Variants in CBLC observed in about 807,000 individuals in gnomAD.
CBLC encodes the protein Cbl proto-oncogene C.
A neutral mutation model predicts 58.6 loss-of-function variants in CBLC; 46 were observed. That is an observed-to-expected ratio of 0.79 (90% CI 0.62 to 1.00). The LOEUF is 1.00. Among genes scored for constraint, CBLC ranks in the 50% least tolerant of loss-of-function variants. CBLC has a pLI of 0.00. For synonymous variants in CBLC, 271 were observed against 264.2 expected (o/e 1.03, Z -0.25); for missense variants, 655 against 625.8 (o/e 1.05, Z -0.50).
At position 44,777,902 on chromosome 19, in the gene CBLC, C is replaced by G. The variant is rs751204879; in HGVS notation, c.-30C>G. 5 of 1,508,656 alleles carry G rather than the reference C, an allele frequency of 3.3e-6. No individual in the cohort carries two copies. In the African/African-American group the frequency reaches 4.3e-5, roughly 13 times the overall value. The allele number at this position is 1,508,656 out of a possible 1,614,324, so 93.5% of individuals were successfully genotyped here. On this transcript the variant is annotated 5_prime_UTR_variant, in exon 1 of 11. Coordinates refer to ENST00000647358, the MANE Select transcript of CBLC (RefSeq NM_012116.4). ...CGAGGCCGCCCCTATCCCAGCCGCA[C>G]CGGTCCTTCCCGGCACACGCGAGGC...
chr19:44,786,658 C>T (rs946672917), intron 5 of CBLC, among the ~76,000 whole-genome samples: 5 of 151,970 alleles, frequency 3.3e-5, no homozygotes, highest in Admixed American at 6.6e-5. Context: ...ATTGTTGGTT[C>T]GCTAACATTG....
chr19:44,796,587 G>A (rs1004321524), intron 9 of CBLC, among the ~76,000 whole-genome samples: 1 of 152,048 alleles, frequency 6.6e-6, no homozygotes, highest in Non-Finnish European at 1.5e-5. Context: ...GTTTCTCCAT[G>A]TTGGTCAGGC....
At chr19:44,794,026 G>T (rs969847691) in intron 8 of CBLC, 178 bp from the exon 9 acceptor site, 2 of 664,500 alleles carry the variant, frequency 3.0e-6, no homozygotes, top group Non-Finnish European at 3.7e-6. Flanking sequence ...TTCCCCAAGG[G>T]CTGGGGCTGT....
intron 9 of CBLC, among the ~76,000 whole-genome samples, chr19:44,796,757 C>T (rs756110173): frequency 9.2e-5 from 14 of 152,076 alleles, no homozygotes; most frequent in Non-Finnish European, 1.3e-4. Flanking sequence ...TTTTGGGACC[C>T]TGGATTGCTG....
intron 5 of CBLC, among the ~76,000 whole-genome samples, chr19:44,785,869 A>G (rs1321059150): frequency 1.3e-5 from 2 of 151,988 alleles, no homozygotes; most frequent in Non-Finnish European, 2.9e-5. Flanking sequence ...TGGCAGGTGG[A>G]GGTTTCGGTG....
intron 9 of CBLC, among the ~76,000 whole-genome samples, chr19:44,794,680 G>T (rs1004101185): frequency 6.6e-6 from 1 of 151,522 alleles, no homozygotes; most frequent in African/African-American, 2.4e-5. Flanking sequence ...GATCAGGCTG[G>T]TCTAGAACTC....
chr19:44,790,336 C>T (rs1042425351), intron 6 of CBLC, among the ~76,000 whole-genome samples: 3 of 152,186 alleles, frequency 2.0e-5, no homozygotes, highest in Admixed American at 2.0e-4. Flanking sequence ...ACAGCTAATG[C>T]ATTCGAGCAT....
intron 1 of CBLC, among the ~76,000 whole-genome samples, chr19:44,779,978 T>C (rs2122382681): frequency 6.6e-6 from 1 of 152,144 alleles, no homozygotes; most frequent in East Asian, 1.9e-4. Context: ...TTCATAAATA[T>C]TATCTATGTT....
In CBLC at chr19:44,784,381, G is replaced by T; in HGVS notation, c.897G>T (p.Leu299=). The T allele has an allele frequency of 6.3e-7, 1 of 1,589,438 alleles. No individual in the cohort carries two copies. The highest frequency in any genetic ancestry group is 8.6e-7 in the Non-Finnish European group (1 of 1,160,416). ...PANKPLSQVL[L]EGQKDGFYLY... is the part of the protein sequence containing the mutation. The stretch of plus-strand genomic sequence containing the variant: ...ACAAACCCCTGTCCCAGGTGCTCCT[G>T]GAGGGACAGAAGGACGGCTTGTGAG... The change falls in exon 5 of 11, where the codon CTG becomes CTT. Residue 299 remains leucine, a synonymous_variant. Coordinates refer to ENST00000647358, the MANE Select transcript of CBLC (RefSeq NM_012116.4).
At chr19:44,779,896 A>C (rs1967675570) in intron 1 of CBLC, among the ~76,000 whole-genome samples, 1 of 152,106 alleles carries the variant, frequency 6.6e-6, no homozygotes, top group Non-Finnish European at 1.5e-5. Flanking sequence ...CAGAGGTTCA[A>C]CAACCTACCC....
At chr19:44,784,967 T>TG (rs1568558719) in intron 5 of CBLC, among the ~76,000 whole-genome samples, 4 of 112,954 alleles carry the variant, frequency 3.5e-5, no homozygotes, top group South Asian at 3.7e-4. Flanking sequence ...TTTTTTTTTT[T>TG]TTTTTTTTTT....
intron 5 of CBLC, among the ~76,000 whole-genome samples, chr19:44,785,556 ATAG>A (rs1967880420): frequency 7.1e-6 from 1 of 140,746 alleles, no homozygotes; most frequent in Admixed American, 6.9e-5. Context: ...AGATAGATAG[ATAG>A]ATAGATAGAT....
chr19:44,778,437 GGCTCC>G (rs2122370243), intron 1 of CBLC, among the ~76,000 whole-genome samples, 153 bp downstream of exon 1: 2 of 56,416 alleles, frequency 3.5e-5, no homozygotes, highest in African/African-American at 3.5e-4. Flanking sequence ...TCAGACTCAG[GGCTCC>G]AGCCCCCAGC....
rs189382199 is a variant in CBLC at position 44,778,380 on chromosome 19, C to A, written c.353+96C>A. ...AGACCCAGGAACTTAGGCCCCCACC[C>A]CCTCCTCCCTCAGACCCAGGAACTC... On this transcript the variant is annotated intron_variant, in intron 1 of 10. Transcript: ENST00000647358. 9 of 1,161,374 alleles carry A rather than the reference C, an allele frequency of 7.7e-6. No homozygotes were observed. In the South Asian group the frequency reaches 1.0e-4, roughly 13 times the overall value. 71.9% of individuals were successfully genotyped at this position (1,161,374 alleles called of 1,614,324 possible). A position where few individuals can be genotyped will look rare whatever the true frequency, so the allele number is the denominator to read the frequency against.
intron 4 of CBLC, among the ~76,000 whole-genome samples, chr19:44,783,087 C>G (rs535355287): frequency 3.3e-5 from 5 of 152,130 alleles, no homozygotes; most frequent in Admixed American, 6.6e-5. Flanking sequence ...TTGAAAAGGC[C>G]AGGCCCCGCA....
chr19:44,784,617 GC>G (rs957478083), intron 5 of CBLC, among the ~76,000 whole-genome samples: 2 of 152,198 alleles, frequency 1.3e-5, no homozygotes, highest in African/African-American at 4.8e-5. Flanking sequence ...CATAGATCGG[GC>G]CCAGCCACAG....
At chr19:44,793,333 C>A in intron 7 of CBLC, 141 bp from the exon 8 acceptor site, 1 of 930,256 alleles carries the variant, frequency 1.1e-6, no homozygotes, top group Non-Finnish European at 1.5e-6. Flanking sequence ...CTCTGCTCTC[C>A]ACGACTCTTC....
chr19:44,784,554 TG>T, intron 5 of CBLC, 153 bp downstream of exon 5: 1 of 757,936 alleles, frequency 1.3e-6, no homozygotes, highest in Non-Finnish European at 2.0e-6. Flanking sequence ...TTCCAGCAGG[TG>T]GCAGTCAAAG....
chr19:44,797,868 GT>G (rs1274190201), intron 9 of CBLC, among the ~76,000 whole-genome samples: 1 of 152,066 alleles, frequency 6.6e-6, no homozygotes, highest in Admixed American at 6.6e-5. Flanking sequence ...AGCCCCCAGA[GT>G]AGCTGGGACT....
Sources: gnomAD v4.1 joint callset for allele counts (sites outside exome capture counted in the v4.1 genomes callset) on GRCh38, gnomAD v4.1.1 for gene constraint, MANE v1.5 for transcripts, NCBI Gene and HGNC (gene_info 2026-07-23, HGNC 2026-07-21) for gene names.